The following RANBP9 variants were observed in gnomAD, a reference collection of about 807,000 sequenced individuals.
RANBP9 encodes the protein ran-binding protein 9.
A neutral mutation model predicts 84.3 loss-of-function variants in RANBP9; 15 were observed. The ratio of observed to expected loss-of-function variants is 0.18; its 90% confidence interval spans 0.12 to 0.27. The LOEUF is 0.27. RANBP9 is among the 10% of genes least tolerant of loss of function. The pLI is 1.00. For missense variants in RANBP9, 809 were observed against 912.8 expected, an observed-to-expected ratio of 0.89 and a Z score of 1.46; for synonymous variants, 392 against 349.6, an observed-to-expected ratio of 1.12 and a Z score of -1.35.
At chr6:13,673,848 C>T (rs1219794353) in intron 2 of RANBP9, among the ~76,000 whole-genome samples, 2 of 152,020 alleles carry the variant, frequency 1.3e-5, no homozygotes, top group African/African-American at 2.4e-5. Context: ...TTCAGAAGGC[C>T]GAGGCAGGAG....
chr6:13,680,025 C>G (rs1765991633), intron 2 of RANBP9, among the ~76,000 whole-genome samples: 1 of 151,648 alleles, frequency 6.6e-6, no homozygotes, highest in African/African-American at 2.4e-5. Context: ...GTAAAAGACC[C>G]CACAAGAAAA....
chr6:13,641,223 T>C lies in RANBP9; in HGVS notation c.1310A>G (p.Asn437Ser). The change falls in exon 8 of 14, where the codon AAT becomes AGT. Residue 437 changes from asparagine (N) to serine (S), a missense_variant. Asn to Ser is a conservative substitution (Grantham distance 46). This residue lies in a region of RANBP9 where 216 missense variants were observed against 329.0 expected (regional missense o/e 0.66). Transcript: ENST00000011619. ...CTTTAATGTGAAAAGGAGATTAGGA[T>C]TTCTTTCAAGTAAACTTGGGTATAA... Reference protein sequence around the residue: ...QQLYPSLLERNPNLLFTLKVR... With the variant: ...QQLYPSLLERSPNLLFTLKVR... 1 of 1,587,192 alleles carries C rather than the reference T, an allele frequency of 6.3e-7. No homozygotes were observed. The highest frequency in any genetic ancestry group is 8.6e-7 in the Non-Finnish European group (1 of 1,163,130).
intron 12 of RANBP9, among the ~76,000 whole-genome samples, chr6:13,626,950 GA>G (rs1250971911): frequency 6.6e-6 from 1 of 152,142 alleles, no homozygotes; most frequent in Non-Finnish European, 1.5e-5. Flanking sequence ...AACCCATGAA[GA>G]AATGCTGTGA....
chr6:13,634,722 T>C lies in RANBP9; in HGVS notation c.1674-170A>G, dbSNP rs370568601. On this transcript the variant is annotated intron_variant, in intron 10 of 13. Coordinates refer to ENST00000011619, the MANE Select transcript of RANBP9 (RefSeq NM_005493.3). The stretch of plus-strand genomic sequence containing the variant: ...TTGAACGTATTCAAAGCCAAACATG[T>C]CGCTGACTTTTAACAAATTTGTACC... Among the ~76,000 whole-genome samples the C allele has an allele frequency of 2.0e-5, 3 of 152,326 alleles. No homozygotes were observed. In the South Asian group the frequency reaches 6.2e-4, roughly 32 times the overall value.
intron 1 of RANBP9, among the ~76,000 whole-genome samples, chr6:13,701,838 CTT>C (rs1053428543): frequency 6.6e-6 from 1 of 152,036 alleles, no homozygotes; most frequent in African/African-American, 2.4e-5. Context: ...ACTCTCCACT[CTT>C]TTATTACAAA....
chr6:13,630,762 C>G (rs376252517), intron 12 of RANBP9, among the ~76,000 whole-genome samples: 1 of 151,990 alleles, frequency 6.6e-6, no homozygotes, highest in Non-Finnish European at 1.5e-5. Flanking sequence ...GGTCTGTATG[C>G]GAATACAGCT....
chr6:13,642,330 A>G, intron 7 of RANBP9, 149 bp downstream of exon 7: 2 of 330,950 alleles, frequency 6.0e-6, no homozygotes, highest in Non-Finnish European at 1.1e-5. Context: ...GATCTTCAAA[A>G]ATGTCAGTGA....
Position 13,711,308 on chromosome 6 carries a change from G to A in RANBP9, c.198C>T (p.Ala66=), listed in dbSNP as rs1240904607. Residue 66 remains alanine, a synonymous_variant, in exon 1 of 14, where the codon GCC becomes GCT. Transcript: ENST00000011619. Reference sequence around the variant, plus strand: ...GCGGCGGCGGAGGGTGGAGGAGCAGGGCGGCCGCCGCGGCCCCTAAGCCTT... The same window carrying A: ...GCGGCGGCGGAGGGTGGAGGAGCAGAGCGGCCGCCGCGGCCCCTAAGCCTT... ...GGEGLGAAAA[A]LLLHPPPPPP... is the part of the protein sequence containing the mutation. 2.8e-6 allele frequency: 3 copies of A among 1,053,074 alleles called. No individual in the cohort carries two copies. Among genetic ancestry groups the A allele is most frequent in the Non-Finnish European group, 3.4e-6 (3 of 875,732 alleles). 65.2% of individuals were successfully genotyped at this position (1,053,074 alleles called of 1,614,324 possible). A position where few individuals can be genotyped will look rare whatever the true frequency, so the allele number is the denominator to read the frequency against.
At chr6:13,642,836 A>G (rs1765098045) in intron 6 of RANBP9, among the ~76,000 whole-genome samples, 1 of 152,172 alleles carries the variant, frequency 6.6e-6, no homozygotes, top group Non-Finnish European at 1.5e-5. Flanking sequence ...AATAAATATT[A>G]CTTGAGAATC....
At chr6:13,629,894 T>C (rs1357007401) in intron 12 of RANBP9, among the ~76,000 whole-genome samples, 1 of 118,844 alleles carries the variant, frequency 8.4e-6, no homozygotes, top group African/African-American at 3.4e-5. Flanking sequence ...CTCATGTCTC[T>C]GTCTCTCTCT....
At chr6:13,665,750 T>C (rs1016761967) in intron 2 of RANBP9, among the ~76,000 whole-genome samples, 3 of 152,156 alleles carry the variant, frequency 2.0e-5, no homozygotes, top group African/African-American at 7.2e-5. Context: ...CGAACAGATA[T>C]ACAAATTGTG....
chr6:13,662,019 T>G (rs1023194555), intron 2 of RANBP9, among the ~76,000 whole-genome samples: 19 of 152,074 alleles, frequency 1.2e-4, no homozygotes, highest in South Asian at 8.3e-4. Context: ...TTAAGACACA[T>G]AAAAGCTAAT....
At chr6:13,706,028 T>C (rs1303796676) in intron 1 of RANBP9, among the ~76,000 whole-genome samples, 1 of 152,060 alleles carries the variant, frequency 6.6e-6, no homozygotes, top group Admixed American at 6.6e-5. Context: ...CGCTAATGAC[T>C]GGGGGTACAG....
intron 2 of RANBP9, among the ~76,000 whole-genome samples, chr6:13,686,810 C>T (rs553283439): frequency 6.6e-6 from 1 of 152,298 alleles, no homozygotes; most frequent in East Asian, 1.9e-4. Context: ...TATCTCCATT[C>T]CTTACCTCTC....
chr6:13,653,209 T>C (rs1765333794), intron 4 of RANBP9, among the ~76,000 whole-genome samples: 1 of 152,174 alleles, frequency 6.6e-6, no homozygotes, highest in Admixed American at 6.5e-5. Flanking sequence ...TAACTTATGA[T>C]TTACTCGTGG....
At chr6:13,623,740 C>T (rs573220100) in intron 13 of RANBP9, among the ~76,000 whole-genome samples, 22 of 151,958 alleles carry the variant, frequency 1.4e-4, no homozygotes, top group Non-Finnish European at 2.9e-4. Context: ...ATATACATGC[C>T]CATCTATAGC....
Position 13,677,260 on chromosome 6 carries a change from C to CA in RANBP9, c.684-18429dup, listed in dbSNP as rs1228332776. Among the ~76,000 whole-genome samples the CA allele has an allele frequency of 2.6e-5, 4 of 151,928 alleles. No homozygotes were observed. The South Asian group carries it at 8.3e-4, about 32-fold the overall frequency. On this transcript the variant is annotated intron_variant, in intron 2 of 13. Transcript: ENST00000011619. ...ACAATACCACTTATATTAGCACCAA[C>CA]AAAAAGGAAATAATTAGGCATAAAT... is the stretch of plus-strand genomic sequence containing the variant.
At chr6:13,705,406 CAAAAAAAAAAAAAAAAAA>C (rs774239782) in intron 1 of RANBP9, among the ~76,000 whole-genome samples, 3 of 26,758 alleles carry the variant, frequency 1.1e-4, no homozygotes, top group Non-Finnish European at 2.1e-4. Flanking sequence ...GATTCTGTCT[CAAAAAAAAAAAAAAAAAA>C]AAAAAAAAAA....
At chr6:13,666,305 C>T (rs1338111231) in intron 2 of RANBP9, among the ~76,000 whole-genome samples, 4 of 151,852 alleles carry the variant, frequency 2.6e-5, no homozygotes, top group Non-Finnish European at 5.9e-5. Flanking sequence ...GTCAGGTCCG[C>T]TATATCATGA....
Sources: gnomAD v4.1 joint callset for allele counts (sites outside exome capture counted in the v4.1 genomes callset) on GRCh38, gnomAD v4.1.1 for gene constraint, gnomAD v4.1.1 regional missense constraint, MANE v1.5 for transcripts, NCBI Gene and HGNC (gene_info 2026-07-23, HGNC 2026-07-21) for gene names.